The following SMYD3 variants were observed in gnomAD, a reference collection of about 807,000 sequenced individuals.
SMYD3 encodes SET and MYND domain containing 3, also known as histone-lysine N-methyltransferase SMYD3.
In SMYD3, 36 loss-of-function variants were observed where a neutral mutation model predicts 57.7. The observed-to-expected ratio is 0.62, with a 90% confidence interval of 0.48 to 0.82. The LOEUF (loss-of-function observed/expected upper bound fraction) is 0.82, where lower values mean the gene tolerates loss of function less well. Ranked by LOEUF, SMYD3 falls within the 40% of genes least tolerant of loss-of-function variation. SMYD3 has a pLI of 0.00. For synonymous variants in SMYD3, 211 were observed against 195.0 expected, an observed-to-expected ratio of 1.08 and a Z score of -0.68; for missense variants, 515 against 538.8, an observed-to-expected ratio of 0.96 and a Z score of 0.44.
chr1:245,831,130 C>A (rs775338685), intron 10 of SMYD3, among the ~76,000 whole-genome samples: 2 of 152,158 alleles, frequency 1.3e-5, no homozygotes, highest in Non-Finnish European at 2.9e-5. Flanking sequence ...GACAGATTCC[C>A]CAATATTTTA....
At chr1:246,296,267 A>G (rs1180776556) in intron 5 of SMYD3, among the ~76,000 whole-genome samples, 2 of 152,182 alleles carry the variant, frequency 1.3e-5, no homozygotes, top group African/African-American at 4.8e-5. Flanking sequence ...TGTTTCTACA[A>G]CGATTCAAGA....
chr1:245,803,155 G>A (rs564098329), intron 10 of SMYD3, among the ~76,000 whole-genome samples: 17 of 152,280 alleles, frequency 1.1e-4, no homozygotes, highest in African/African-American at 2.9e-4. Flanking sequence ...ATGGCGTGCC[G>A]AAACCTCTGA....
At chr1:246,298,480 C>T (rs2064835379) in intron 5 of SMYD3, among the ~76,000 whole-genome samples, 2 of 152,048 alleles carry the variant, frequency 1.3e-5, no homozygotes, top group Admixed American at 1.3e-4. Context: ...GTTTTCAATA[C>T]AATTTAAGTG....
intron 3 of SMYD3, among the ~76,000 whole-genome samples, chr1:246,331,202 A>G (rs1311548821): frequency 6.6e-6 from 1 of 152,222 alleles, no homozygotes; most frequent in Non-Finnish European, 1.5e-5. Flanking sequence ...TTCACACTAA[A>G]GATGGGTAAA....
intron 5 of SMYD3, among the ~76,000 whole-genome samples, chr1:246,101,217 G>A (rs1419065584): frequency 1.3e-5 from 2 of 151,540 alleles, no homozygotes; most frequent in African/African-American, 4.9e-5. Context: ...AATTTTTTAT[G>A]TGAGAAAATA....
At chr1:245,752,088 G>C (rs913296846) in intron 11 of SMYD3, among the ~76,000 whole-genome samples, 1 of 152,202 alleles carries the variant, frequency 6.6e-6, no homozygotes, top group Non-Finnish European at 1.5e-5. Context: ...GCACGATTGC[G>C]GAAAGAGAAG....
chr1:245,950,858 T>G (rs1386134973), intron 5 of SMYD3, among the ~76,000 whole-genome samples: 1 of 152,224 alleles, frequency 6.6e-6, no homozygotes, highest in Admixed American at 6.5e-5. Context: ...ACATTTCTTT[T>G]TCACCTATCA....
intron 1 of SMYD3, among the ~76,000 whole-genome samples, chr1:246,381,165 T>G (rs571073283): frequency 3.9e-5 from 6 of 152,248 alleles, no homozygotes; most frequent in African/African-American, 1.4e-4. Context: ...CCTCTAGTCT[T>G]AAAGGACTTA....
chr1:245,894,052 C>T (rs577968368), intron 8 of SMYD3, among the ~76,000 whole-genome samples: 3 of 152,146 alleles, frequency 2.0e-5, no homozygotes, highest in Admixed American at 6.5e-5. Flanking sequence ...CAGAGTACCT[C>T]GTGAGAGGTG....
chr1:245,867,139 G>T (rs2051900594), intron 8 of SMYD3, among the ~76,000 whole-genome samples: 1 of 152,164 alleles, frequency 6.6e-6, no homozygotes, highest in Non-Finnish European at 1.5e-5. Flanking sequence ...TTTCCAGGTG[G>T]GTCCAATATA....
At chr1:245,815,140 A>G (rs2048728920) in intron 10 of SMYD3, among the ~76,000 whole-genome samples, 1 of 152,232 alleles carries the variant, frequency 6.6e-6, no homozygotes. Context: ...GCTACCAACA[A>G]TAAAACAGAA....
chr1:246,496,919 A>C (rs2068373335), intron 1 of SMYD3, among the ~76,000 whole-genome samples: 1 of 152,244 alleles, frequency 6.6e-6, no homozygotes, highest in African/African-American at 2.4e-5. Flanking sequence ...TAAAACAGTA[A>C]ACTGGCAACA....
intron 2 of SMYD3, among the ~76,000 whole-genome samples, chr1:246,348,077 T>TATATATATATATACAC: frequency 3.5e-5 from 3 of 86,494 alleles, no homozygotes; most frequent in Non-Finnish European, 7.8e-5. Context: ...TATATATATA[T>TATATATATATATACAC]ACACACACAC....
chr1:246,195,797 C>A (rs1433454076), intron 5 of SMYD3, among the ~76,000 whole-genome samples: 1 of 152,144 alleles, frequency 6.6e-6, no homozygotes, highest in African/African-American at 2.4e-5. Flanking sequence ...AGGGTTCTTA[C>A]ATATAGCTCA....
chr1:246,323,479 A>G (rs577448690), intron 5 of SMYD3, among the ~76,000 whole-genome samples: 2 of 152,338 alleles, frequency 1.3e-5, no homozygotes, highest in East Asian at 3.9e-4. Flanking sequence ...CAGAAACTCC[A>G]GTGTTCAAAA....
chr1:246,264,991 G>C (rs1253060637), intron 5 of SMYD3, among the ~76,000 whole-genome samples: 1 of 152,220 alleles, frequency 6.6e-6, no homozygotes, highest in Non-Finnish European at 1.5e-5. Flanking sequence ...CTACAGGAGA[G>C]TGATTTTTAA....
At chr1:246,321,790 C>A (rs760156393) in intron 5 of SMYD3, 2 of 152,118 alleles carry the variant, frequency 1.3e-5, no homozygotes, top group Non-Finnish European at 2.9e-5. Context: ...ACTTTGTAGT[C>A]CAGGCTGGAG....
At chr1:246,408,875 G>A (rs923552493) in intron 1 of SMYD3, among the ~76,000 whole-genome samples, 2 of 152,126 alleles carry the variant, frequency 1.3e-5, no homozygotes, top group South Asian at 4.2e-4. Context: ...TCACCATGTT[G>A]GCCAGGTTGG....
At chr1:246,354,955 C>A in intron 2 of SMYD3, 76 bp downstream of exon 2, 1 of 1,330,676 alleles carries the variant, frequency 7.5e-7, no homozygotes, top group South Asian at 1.2e-5. Flanking sequence ...AGACACAGGC[C>A]AACAGGTATA....
Sources: allele counts gnomAD v4.1 joint callset (sites outside exome capture counted in the v4.1 genomes callset), GRCh38; gene constraint gnomAD v4.1.1; transcripts MANE v1.5; gene names NCBI Gene and HGNC (gene_info 2026-07-23, HGNC 2026-07-21).